CERT1: variants seen among roughly 807,000 people sequenced by gnomAD.
The protein encoded by CERT1 is ceramide transfer protein.
CERT1 carries 31 observed loss-of-function variants against 87.9 expected under a neutral mutation model. The ratio of observed to expected loss-of-function variants is 0.35; its 90% CI spans 0.27 to 0.48. The LOEUF (loss-of-function observed/expected upper bound fraction) is 0.48. Ranked by LOEUF, CERT1 falls within the 20% of genes least tolerant of loss-of-function variation. The pLI is 0.99. For missense variants in CERT1, 487 were observed against 758.0 expected (o/e 0.64, Z 4.20); for synonymous variants, 289 against 250.9 (o/e 1.15, Z -1.44).
At chr5:75,507,533 C>T (rs530922791) in intron 1 of CERT1, among the ~76,000 whole-genome samples, 2 of 152,230 alleles carry the variant, frequency 1.3e-5, no homozygotes, top group South Asian at 4.1e-4. Flanking sequence ...TGAGATGTAC[C>T]ACCACTTAGA....
chr5:75,458,087 G>A (rs1182339634), intron 3 of CERT1, among the ~76,000 whole-genome samples: 1 of 151,950 alleles, frequency 6.6e-6, no homozygotes, highest in African/African-American at 2.4e-5. Context: ...ACGTAAACAA[G>A]CAAAACTTCT....
At chr5:75,393,602 TAAA>T (rs60898983) in intron 11 of CERT1, among the ~76,000 whole-genome samples, 2,704 of 32,760 alleles carry the variant, frequency 0.083, 209 homozygotes, top group African/African-American at 0.23. Context: ...CTCATCTACT[TAAA>T]AAAAAAAAAA....
chr5:75,485,746 T>C (rs1366015632), intron 2 of CERT1, among the ~76,000 whole-genome samples: 2 of 152,028 alleles, frequency 1.3e-5, no homozygotes, highest in African/African-American at 2.4e-5. Flanking sequence ...ATGCCAAGAA[T>C]TGGAAAACCT....
chr5:75,434,060 T>C (rs1763982875), intron 3 of CERT1, among the ~76,000 whole-genome samples: 1 of 152,190 alleles, frequency 6.6e-6, no homozygotes. Context: ...GACATCCTTG[T>C]CTTTTCCTGG....
chr5:75,494,129 A>G lies in CERT1; in HGVS notation c.231+11853T>C, dbSNP rs1001865811. ...CTTTCATATTGGAAACTTTCTTCAT[A>G]TGACTGATAGTCCTTTGCTGTCTGC... On this transcript the variant is annotated intron_variant, in intron 2 of 16. Transcript: ENST00000643780. 2.6e-5 allele frequency among the ~76,000 whole-genome samples: 4 copies of G among 152,196 alleles called. No homozygotes were observed. The South Asian group carries it at 8.3e-4, about 31-fold the overall frequency.
intron 3 of CERT1, among the ~76,000 whole-genome samples, chr5:75,429,430 T>C (rs1763773436): frequency 6.6e-6 from 1 of 152,078 alleles, no homozygotes; most frequent in African/African-American, 2.4e-5. Context: ...TTCAAACTCC[T>C]AACGTCAGGT....
At chr5:75,418,158 A>AAAT (rs747746805) in intron 6 of CERT1, among the ~76,000 whole-genome samples, 17 of 152,162 alleles carry the variant, frequency 1.1e-4, no homozygotes, top group South Asian at 2.1e-4. Flanking sequence ...CTCTGTCTCA[A>AAAT]AATAATAATA....
chr5:75,410,703 TAA>T lies in CERT1; in HGVS notation c.930+306_930+307del, dbSNP rs57976408. Reference sequence around the variant, plus strand: ...TTTCCTTTATAGTTTGCTTTTATGTTAAAAAAAAAAAAAAAGTAGATAACATT... The same window carrying T: ...TTTCCTTTATAGTTTGCTTTTATGTTAAAAAAAAAAAAAGTAGATAACATT... On this transcript the variant is annotated intron_variant, in intron 8 of 16. Transcript: ENST00000643780. The T allele has an allele frequency of 2.8e-3, 416 of 149,366 alleles. 1 individual carries two copies. The highest frequency in any genetic ancestry group is 3.0e-3 in the Middle Eastern group (1 of 328). 9.3% of individuals were successfully genotyped at this position (149,366 alleles called of 1,614,324 possible).
chr5:75,479,043 G>T (rs1048796338), intron 2 of CERT1, among the ~76,000 whole-genome samples: 2 of 150,272 alleles, frequency 1.3e-5, no homozygotes, highest in Non-Finnish European at 3.0e-5. Context: ...TACAGTAATG[G>T]ATTATAACAC....
At chr5:75,397,176 AC>A (rs543192984) in intron 11 of CERT1, among the ~76,000 whole-genome samples, 2 of 152,246 alleles carry the variant, frequency 1.3e-5, no homozygotes, top group Non-Finnish European at 2.9e-5. Flanking sequence ...TCTGCTAATG[AC>A]AACTAATGCT....
intron 2 of CERT1, among the ~76,000 whole-genome samples, chr5:75,501,406 G>C (rs1419818266): frequency 6.6e-6 from 1 of 152,096 alleles, no homozygotes; most frequent in Non-Finnish European, 1.5e-5. Context: ...CTACTCATCT[G>C]GTGATTTTAA....
chr5:75,470,960 A>G (rs1456297341), intron 2 of CERT1, among the ~76,000 whole-genome samples: 1 of 152,204 alleles, frequency 6.6e-6, no homozygotes, highest in Non-Finnish European at 1.5e-5. Flanking sequence ...TCTGGGGAAA[A>G]AAAAGAAGAA....
intron 3 of CERT1, among the ~76,000 whole-genome samples, chr5:75,446,362 A>G (rs1764536148): frequency 6.6e-6 from 1 of 151,812 alleles, no homozygotes; most frequent in African/African-American, 2.4e-5. Flanking sequence ...CAGGTTTTCT[A>G]TTTCTTCATT....
downstream of CERT1, chr5:75,373,284 G>A (rs1761151641): frequency 2.0e-5 from 3 of 152,262 alleles, no homozygotes; most frequent in East Asian, 1.9e-4. Context: ...CTTTAAACAA[G>A]TGATACCATA....
rs200370086 is a variant in CERT1 at position 75,381,139 on chromosome 5, G to A, written c.1680C>T (p.Ser560=). 5 of 1,614,014 alleles carry A rather than the reference G, an allele frequency of 3.1e-6. No individual in the cohort carries two copies. The East Asian group carries it at 1.1e-4, about 36-fold the overall frequency. Residue 560 remains serine (S), a synonymous_variant, in exon 16 of 17, where the codon AGC becomes AGT. Transcript: ENST00000643780. ...TAATTTCCTGGTTTCCCTCTGGTGG[G>A]CTTACCAAGGTTTGACAAATCATAG... ...NVAMICQTLV[S]PPEGNQEISR...
chr5:75,393,781 C>T (rs112595315), intron 11 of CERT1, among the ~76,000 whole-genome samples: 59 of 150,932 alleles, frequency 3.9e-4, no homozygotes, highest in African/African-American at 9.0e-4. Context: ...CCGGCTAACA[C>T]GGTGAACTCC....
intron 8 of CERT1, among the ~76,000 whole-genome samples, chr5:75,404,295 A>G (rs1762618384): frequency 6.6e-6 from 1 of 150,412 alleles, no homozygotes; most frequent in Non-Finnish European, 1.5e-5. Flanking sequence ...ACTTCATAAA[A>G]AAAAAAAAAA....
chr5:75,494,524 T>C (rs1766965211), intron 2 of CERT1, among the ~76,000 whole-genome samples: 1 of 152,150 alleles, frequency 6.6e-6, no homozygotes, highest in South Asian at 2.1e-4. Flanking sequence ...ACACCCACGA[T>C]TTTTTTCTCT....
chr5:75,370,833 T>A (rs1225407039), intron 17 of CERT1: 1 of 150,602 alleles, frequency 6.6e-6, no homozygotes, highest in African/African-American at 2.5e-5. Context: ...ATGCCTGTAA[T>A]CCCAGCCACT....
Sources: allele counts gnomAD v4.1 joint callset (sites outside exome capture counted in the v4.1 genomes callset), GRCh38; gene constraint gnomAD v4.1.1; transcripts MANE v1.5; gene names NCBI Gene and HGNC (gene_info 2026-07-23, HGNC 2026-07-21).